ODF2: variants seen among roughly 807,000 people sequenced by gnomAD.
ODF2 encodes outer dense fiber protein 2.
Under a neutral mutation model 110.2 loss-of-function variants are expected in ODF2, and 47 were observed. The observed-to-expected ratio is 0.43, with a 90% CI of 0.34 to 0.54. The LOEUF is 0.54. Among genes scored for constraint, ODF2 ranks in the 20% least tolerant of loss-of-function variants. ODF2 has a pLI of 0.03. For missense variants in ODF2, 812 were observed against 1,054.5 expected, an observed-to-expected ratio of 0.77 and a Z score of 3.19; for synonymous variants, 352 against 397.7, an observed-to-expected ratio of 0.89 and a Z score of 1.37.
At chr9:128,457,098 C>A in intron 1 of ODF2, 2 of 1,374,196 alleles carry the variant, frequency 1.5e-6, no homozygotes. Flanking sequence ...GGGACCCGGG[C>A]GCGGTGGTCC....
At position 128,471,251 on chromosome 9, in the gene ODF2, T is replaced by C. The variant is rs571360504; in HGVS notation, c.421-57T>C. The stretch of plus-strand genomic sequence containing the variant: ...TGGTCCAAAGCATTGAGCCTAGCAA[T>C]GTGGCATAGAGGAAGGACCTCCCTT... On this transcript the variant is annotated intron_variant, in intron 5 of 20. Transcript: ENST00000604420. 14 of 1,522,418 alleles carry C rather than the reference T, an allele frequency of 9.2e-6. No individual in the cohort carries two copies. In the East Asian group the frequency reaches 2.1e-4, roughly 23 times the overall value. 94.3% of individuals were successfully genotyped at this position (1,522,418 alleles called of 1,614,324 possible).
chr9:128,456,333 G>A, intron 1 of ODF2, 78 bp downstream of exon 1: 5 of 1,456,052 alleles, frequency 3.4e-6, no homozygotes, highest in Non-Finnish European at 4.5e-6. Flanking sequence ...CACCCCCGGC[G>A]CGGTCGACCC....
exon 5 of ODF2, chr9:128,469,264 G>A (rs777304087): frequency 6.2e-7 from 1 of 1,614,084 alleles, no homozygotes; most frequent in South Asian, 1.1e-5. Flanking sequence ...CCTCTCTACA[G>A]AAGATGATGA....
intron 18 of ODF2, chr9:128,497,440 AAAAAAAATAT>A (rs1277406357): frequency 3.3e-5 from 3 of 90,994 alleles, no homozygotes; most frequent in Non-Finnish European, 5.7e-5. Flanking sequence ...AAAAAAAAAA[AAAAAAAATAT>A]ATATATATAT....
chr9:128,470,952 G>A lies in ODF2; in HGVS notation c.421-356G>A, dbSNP rs145048518. On this transcript the variant is annotated intron_variant, in intron 5 of 20. Transcript: ENST00000604420. ...TTGAGATGGAGTCTCACTCTTGTCCGCCCAGGCTGGAGTGCAGTGGGCACG... is the reference window on the plus strand; with the variant it reads ...TTGAGATGGAGTCTCACTCTTGTCCACCCAGGCTGGAGTGCAGTGGGCACG... 4.8e-3 allele frequency among the ~76,000 whole-genome samples: 720 copies of A among 149,736 alleles called. 9 individuals carry two copies. The highest frequency in any genetic ancestry group is 0.017 in the African/African-American group (678 of 40,724).
upstream of ODF2, among the ~76,000 whole-genome samples, chr9:128,455,553 C>CAAAAAAAAAAA (rs55634490): frequency 3.5e-5 from 2 of 56,826 alleles, no homozygotes; most frequent in African/African-American, 7.8e-5. Context: ...GAATCTGTCT[C>CAAAAAAAAAAA]AAAAAAAAAA....
In ODF2 at chr9:128,492,410, G is replaced by A. The variant is rs1844791908; in HGVS notation, c.1537-16G>A. 2 of 1,582,640 alleles carry A rather than the reference G, an allele frequency of 1.3e-6. No individual in the cohort carries two copies. The highest frequency in any genetic ancestry group is 3.3e-5 in the Admixed American group (2 of 59,920). Reference sequence around the variant, plus strand: ...CAGAACCTTCCTGTGGGTTACTCATGAGCCATCCCTTCCAGGCCAGCTTTG... The same window carrying A: ...CAGAACCTTCCTGTGGGTTACTCATAAGCCATCCCTTCCAGGCCAGCTTTG... On this transcript the variant is annotated splice_polypyrimidine_tract_variant and intron_variant, in intron 14 of 20. Transcript: ENST00000604420.
intron 18 of ODF2, chr9:128,497,439 AAAAAAAAATATATATATATATATATATAT>A (rs1845755198): frequency 1.0e-5 from 1 of 95,706 alleles, no homozygotes; most frequent in South Asian, 3.2e-4. Context: ...AAAAAAAAAA[AAAAAAAAATATATATATATATATATATAT>A]ATATATATAT....
At chr9:128,493,931 A>G (rs1468471313) in intron 16 of ODF2, among the ~76,000 whole-genome samples, 1 of 152,210 alleles carries the variant, frequency 6.6e-6, no homozygotes, top group Non-Finnish European at 1.5e-5. Context: ...AGTAGCTGGG[A>G]CTACAGGCGT....
rs1230546723 is a variant in ODF2 at position 128,461,075 on chromosome 9, C to A, written c.249+8C>A. ...GTGGGATGCAAGTGGGAGGTAGGCT[C>A]ACCCTTGCCCAGGCTTTTCTTCTCG... On this transcript the variant is annotated splice_region_variant and intron_variant, in intron 4 of 20. Coordinates refer to ENST00000604420, the Ensembl canonical transcript of ODF2. 6.2e-7 allele frequency: 1 copy of A among 1,613,350 alleles called. No homozygotes were observed. Among genetic ancestry groups the A allele is most frequent in the Non-Finnish European group, 8.5e-7 (1 of 1,179,746 alleles).
At chr9:128,478,921 C>G (rs1208271920) in intron 8 of ODF2, among the ~76,000 whole-genome samples, 1 of 152,142 alleles carries the variant, frequency 6.6e-6, no homozygotes, top group African/African-American at 2.4e-5. Context: ...TCACTTCTCC[C>G]AGCCTTAGTC....
chr9:128,492,278 CTGCTTCTCGG>C, intron 14 of ODF2, 138 bp from the exon 15 acceptor site: 2 of 636,800 alleles, frequency 3.1e-6, no homozygotes, highest in Non-Finnish European at 5.7e-6. Context: ...GGAGTCTTAC[CTGCTTCTCGG>C]TGCTTCTCTC....
intron 8 of ODF2, among the ~76,000 whole-genome samples, chr9:128,476,263 T>G (rs1841235240): frequency 6.6e-6 from 1 of 152,168 alleles, no homozygotes; most frequent in African/African-American, 2.4e-5. Context: ...AAAATGCCAG[T>G]GCTAATGAAA....
chr9:128,456,321 C>T lies in ODF2; in HGVS notation c.-209+66C>T, dbSNP rs1320018284. ...GCACCGCGGGCGAGACCGTCGCCTT[C>T]GCACCCCCGGCGCGGTCGACCCCGC... On this transcript the variant is annotated intron_variant, in intron 1 of 20. Coordinates refer to ENST00000604420, the Ensembl canonical transcript of ODF2. The T allele has an allele frequency of 2.1e-5, 31 of 1,475,848 alleles. No individual in the cohort carries two copies. The East Asian group carries it at 8.6e-4, about 41-fold the overall frequency. The allele number at this position is 1,475,848 out of a possible 1,614,324, so 91.4% of individuals were successfully genotyped here.
At chr9:128,497,115 G>A (rs977836145) in intron 18 of ODF2, among the ~76,000 whole-genome samples, 9 of 151,916 alleles carry the variant, frequency 5.9e-5, no homozygotes, top group Admixed American at 2.0e-4. Flanking sequence ...ATAGAGAAGC[G>A]CTCAGTATAG....
downstream of ODF2, chr9:128,500,758 CCT>C (rs1846363243): frequency 6.5e-6 from 1 of 153,312 alleles, no homozygotes; most frequent in South Asian, 2.0e-4. Flanking sequence ...TCAGTGCAAA[CCT>C]CTCACTCCCA....
intron 7 of ODF2, 60 bp from the exon 8 acceptor site, chr9:128,473,550 A>G (rs1588843796): frequency 1.2e-6 from 2 of 1,600,520 alleles, no homozygotes; most frequent in African/African-American, 1.3e-5. Context: ...TTGAGTGCCC[A>G]TGGGGCCTGC....
intron 18 of ODF2, 34 bp from the exon 19 acceptor site, chr9:128,498,364 CATGACAGGTTGGGGT>C (rs767343600): frequency 4.1e-6 from 6 of 1,474,086 alleles, no homozygotes; most frequent in Middle Eastern, 2.2e-4. Flanking sequence ...CGGGGTGGAA[CATGACAGGTTGGGGT>C]ATGCCCAGGA....
upstream of ODF2, chr9:128,455,938 A>G: frequency 7.1e-7 from 1 of 1,402,386 alleles, no homozygotes; most frequent in Non-Finnish European, 9.2e-7. Context: ...AGACCCGGCC[A>G]GGCCCGCTGG....
Sources: allele counts gnomAD v4.1 joint callset (sites outside exome capture counted in the v4.1 genomes callset), GRCh38; gene constraint gnomAD v4.1.1; transcripts MANE v1.5; gene names NCBI Gene and HGNC (gene_info 2026-07-23, HGNC 2026-07-21).